MREG: variants seen among roughly 807,000 people sequenced by gnomAD.
MREG encodes the protein melanoregulin, also known as dilute suppressor protein homolog.
MREG carries 31 observed loss-of-function variants against 28.5 expected under a neutral mutation model. That is an observed-to-expected ratio of 1.09 (90% CI 0.82 to 1.47). The LOEUF (loss-of-function observed/expected upper bound fraction) is 1.47. MREG is among the 40% of genes most tolerant of loss of function. The pLI, the probability that MREG is intolerant of heterozygous loss-of-function variation, is 0.00. For missense variants in MREG, 256 were observed against 257.4 expected, an observed-to-expected ratio of 0.99 and a Z score of 0.04; for synonymous variants, 106 against 95.2, an observed-to-expected ratio of 1.11 and a Z score of -0.66.
At chr2:216,009,012 T>A (rs938108658) in intron 1 of MREG, among the ~76,000 whole-genome samples, 8 of 152,186 alleles carry the variant, frequency 5.3e-5, no homozygotes, top group Non-Finnish European at 1.0e-4. Flanking sequence ...ATTCTTGTTG[T>A]CTGTGGTAGT....
chr2:215,947,727 C>T (rs1290701946), intron 2 of MREG, among the ~76,000 whole-genome samples: 1 of 152,202 alleles, frequency 6.6e-6, no homozygotes, highest in South Asian at 2.1e-4. Context: ...GCAATGTCTC[C>T]TTCACCACCA....
intron 2 of MREG, among the ~76,000 whole-genome samples, chr2:215,980,550 T>G (rs1395204959): frequency 6.6e-6 from 1 of 152,216 alleles, no homozygotes; most frequent in African/African-American, 2.4e-5. Flanking sequence ...GGCCCACAGT[T>G]TCAGTGCATC....
chr2:215,994,327 C>T (rs1693801468), intron 2 of MREG, among the ~76,000 whole-genome samples: 1 of 151,766 alleles, frequency 6.6e-6, no homozygotes, highest in Admixed American at 6.6e-5. Context: ...AAACCAAACA[C>T]CACATGTTCT....
At chr2:215,949,418 G>C (rs1483716428) in intron 2 of MREG, among the ~76,000 whole-genome samples, 3 of 151,708 alleles carry the variant, frequency 2.0e-5, no homozygotes, top group South Asian at 4.2e-4. Context: ...AAAATTTGCC[G>C]GGTGTGGTGG....
chr2:215,994,374 G>A (rs894814579), intron 2 of MREG, among the ~76,000 whole-genome samples: 1 of 151,536 alleles, frequency 6.6e-6, no homozygotes, highest in Non-Finnish European at 1.5e-5. Flanking sequence ...AGAACACAGG[G>A]ACACGGGGAG....
intron 2 of MREG, among the ~76,000 whole-genome samples, chr2:215,991,461 C>T (rs1490021618): frequency 6.6e-6 from 1 of 151,966 alleles, no homozygotes; most frequent in East Asian, 1.9e-4. Context: ...AATTGACACC[C>T]TAACATCACA....
rs1004479537 is a variant in MREG, at chr2:215,994,561, A to T, written c.255+1745T>A. On this transcript the variant is annotated intron_variant, in intron 2 of 4. Transcript: ENST00000263268. ...TCCCAGAACTTAAAGTATAATTTTA[A>T]AAAAAAAGAGGGAGAAGAGGGAGAA... 1.5e-4 allele frequency among the ~76,000 whole-genome samples: 7 copies of T among 46,064 alleles called. No homozygotes were observed. In the African/African-American group the frequency reaches 1.6e-3, roughly 11 times the overall value. The allele number at this position is 46,064 out of a possible 152,430, so 30.2% of individuals were successfully genotyped here.
chr2:215,999,451 A>T (rs763660242), intron 1 of MREG, among the ~76,000 whole-genome samples: 11 of 152,168 alleles, frequency 7.2e-5, no homozygotes, highest in Non-Finnish European at 1.3e-4. Context: ...AGAAGTAGAG[A>T]AAGAGATGGG....
intron 1 of MREG, among the ~76,000 whole-genome samples, chr2:216,010,720 A>G (rs1474771009): frequency 1.3e-5 from 2 of 152,096 alleles, no homozygotes; most frequent in African/African-American, 4.8e-5. Flanking sequence ...ACAGAAAACC[A>G]GTGATTACAT....
rs759891263 is a variant in MREG, at chr2:215,944,919, G to A, written c.589C>T (p.Pro197Ser). Residue 197 changes from proline to serine, a missense_variant, in exon 5 of 5, where the codon CCA (proline) becomes TCA (serine). Physicochemically the swap from Pro to Ser is moderately conservative, Grantham distance 74. Transcript: ENST00000263268. ...RRTYPKKPGV[P>S]CLADGQKELH... Reference sequence around the variant, plus strand: ...TCTTTCTGGCCATCTGCCAGGCATGGAACCCCAGGCTTCTTGGGGTAAGTT... The same window carrying A: ...TCTTTCTGGCCATCTGCCAGGCATGAAACCCCAGGCTTCTTGGGGTAAGTT... 1 of 1,608,674 alleles carries A rather than the reference G, an allele frequency of 6.2e-7. No individual in the cohort carries two copies. Among genetic ancestry groups the A allele is most frequent in the Non-Finnish European group, 8.5e-7 (1 of 1,175,570 alleles).
At chr2:215,959,779 T>A (rs915254497) in intron 2 of MREG, among the ~76,000 whole-genome samples, 4 of 152,184 alleles carry the variant, frequency 2.6e-5, no homozygotes, top group African/African-American at 9.7e-5. Flanking sequence ...CTCGACCATG[T>A]TCATTCATGG....
chr2:215,953,205 C>T (rs1692532896), intron 2 of MREG, among the ~76,000 whole-genome samples: 1 of 152,242 alleles, frequency 6.6e-6, no homozygotes, highest in African/African-American at 2.4e-5. Context: ...CATCTGTTAT[C>T]CCCTTCTCCC....
rs538128452 is a variant in MREG, at chr2:215,942,749, G to A, written c.*2114C>T. 25 of 152,670 alleles carry A rather than the reference G, an allele frequency of 1.6e-4. No individual in the cohort carries two copies. Among genetic ancestry groups the A allele is most frequent in the African/African-American group, 6.0e-4 (25 of 41,530 alleles). The allele number at this position is 152,670 out of a possible 1,614,324, so 9.5% of individuals were successfully genotyped here. A position where few individuals can be genotyped will look rare whatever the true frequency, so the allele number is the denominator to read the frequency against. On this transcript the variant is annotated 3_prime_UTR_variant, in exon 5 of 5. Transcript: ENST00000263268. ...ATCTCATCTATTTTGACATAAAAAA[G>A]GCAGAAAGGCAAAATACAAATTCTG...
At chr2:215,999,833 G>C (rs1249050534) in intron 1 of MREG, among the ~76,000 whole-genome samples, 1 of 152,130 alleles carries the variant, frequency 6.6e-6, no homozygotes, top group South Asian at 2.1e-4. Context: ...GATGTTCAGG[G>C]AGATGTCAGG....
intron 2 of MREG, among the ~76,000 whole-genome samples, chr2:215,947,855 T>C (rs987285200): frequency 1.3e-5 from 2 of 152,260 alleles, no homozygotes; most frequent in African/African-American, 4.8e-5. Context: ...GGCCATCATG[T>C]TGTTCCAATA....
chr2:216,031,136 GT>G (rs145879671), intron 1 of MREG, among the ~76,000 whole-genome samples: 2,023 of 152,224 alleles, frequency 0.013, 21 homozygotes, highest in Middle Eastern at 0.031. Context: ...GCCAGACATG[GT>G]GGTTCACGCC....
intron 2 of MREG, among the ~76,000 whole-genome samples, chr2:215,991,854 T>C (rs1037373315): frequency 6.6e-6 from 1 of 152,140 alleles, no homozygotes; most frequent in African/African-American, 2.4e-5. Context: ...AGGAGGAATT[T>C]GAATCCCTGA....
rs1156661854 is a variant in MREG, at chr2:215,966,671, G to A, written c.256-19558C>T. 3.4e-5 allele frequency among the ~76,000 whole-genome samples: 5 copies of A among 148,012 alleles called. No individual in the cohort carries two copies. In the South Asian group the frequency reaches 6.4e-4, roughly 19 times the overall value. ...GGCTGGAGTGCAGTGGCACGATCTC[G>A]GCTCACTGCAACCTCTGCCTCCCAG... On this transcript the variant is annotated intron_variant, in intron 2 of 4. Coordinates refer to ENST00000263268, the MANE Select transcript of MREG (RefSeq NM_018000.3).
intron 2 of MREG, among the ~76,000 whole-genome samples, chr2:215,994,721 T>C (rs1479073526): frequency 6.7e-6 from 1 of 149,764 alleles, no homozygotes; most frequent in Non-Finnish European, 1.5e-5. Context: ...CTTTAGAAGC[T>C]GTGCTTTCCA....
Sources: gnomAD v4.1 joint callset for allele counts (sites outside exome capture counted in the v4.1 genomes callset) on GRCh38, gnomAD v4.1.1 for gene constraint, MANE v1.5 for transcripts, NCBI Gene and HGNC (gene_info 2026-07-23, HGNC 2026-07-21) for gene names.